CAMKMT: variants seen among roughly 807,000 people sequenced by gnomAD.
CAMKMT encodes the protein CaM KMT.
A neutral mutation model predicts 48.0 loss-of-function variants in CAMKMT; 53 were observed. The ratio of observed to expected loss-of-function variants is 1.10; its 90% CI spans 0.89 to 1.39. The LOEUF (loss-of-function observed/expected upper bound fraction) is 1.39, where lower values mean the gene tolerates loss of function less well. CAMKMT is among the 40% of genes most tolerant of loss of function. CAMKMT has a pLI of 0.00. For synonymous variants in CAMKMT, 165 were observed against 152.3 expected (o/e 1.08, Z -0.61); for missense variants, 428 against 402.7 (o/e 1.06, Z -0.54).
chr2:44,530,809 A>G (rs762244499), intron 3 of CAMKMT, among the ~76,000 whole-genome samples: 29 of 152,028 alleles, frequency 1.9e-4, no homozygotes, highest in Admixed American at 1.2e-3. Flanking sequence ...ATATTGTGAA[A>G]TTTTAATTTT....
chr2:44,435,067 A>G (rs907905841), intron 3 of CAMKMT, among the ~76,000 whole-genome samples: 1 of 152,206 alleles, frequency 6.6e-6, no homozygotes, highest in Admixed American at 6.5e-5. Context: ...ATGAATTTAC[A>G]TACGTAAATA....
At chr2:44,554,962 C>T (rs1667929438) in intron 3 of CAMKMT, among the ~76,000 whole-genome samples, 1 of 152,034 alleles carries the variant, frequency 6.6e-6, no homozygotes, top group South Asian at 2.1e-4. Flanking sequence ...TAGGAATTAA[C>T]CAGATGAAGG....
chr2:44,386,918 C>T (rs960289430), intron 2 of CAMKMT, among the ~76,000 whole-genome samples: 1 of 152,004 alleles, frequency 6.6e-6, no homozygotes, highest in Non-Finnish European at 1.5e-5. Context: ...TGTATTTAGG[C>T]TCGTTTTATG....
chr2:44,625,231 A>C (rs1203049475), intron 3 of CAMKMT, among the ~76,000 whole-genome samples: 3 of 152,130 alleles, frequency 2.0e-5, no homozygotes, highest in African/African-American at 4.8e-5. Flanking sequence ...TTCAATTTGC[A>C]TTCCCCTAAT....
intron 3 of CAMKMT, among the ~76,000 whole-genome samples, chr2:44,482,736 T>C (rs1669034064): frequency 6.6e-6 from 1 of 152,060 alleles, no homozygotes; most frequent in African/African-American, 2.4e-5. Flanking sequence ...GTAGAATCCA[T>C]GTTGGATATT....
At chr2:44,703,556 G>A (rs1259531067) in intron 3 of CAMKMT, among the ~76,000 whole-genome samples, 1 of 152,108 alleles carries the variant, frequency 6.6e-6, no homozygotes, top group Non-Finnish European at 1.5e-5. Context: ...GAGGCAGGCA[G>A]ATCACGAGGT....
intron 7 of CAMKMT, among the ~76,000 whole-genome samples, chr2:44,726,132 G>C (rs1328336183): frequency 1.3e-5 from 2 of 152,096 alleles, no homozygotes; most frequent in African/African-American, 4.8e-5. Flanking sequence ...TGTTTTCTTT[G>C]GGGTATATAC....
intron 3 of CAMKMT, among the ~76,000 whole-genome samples, chr2:44,588,172 G>A (rs1285538166): frequency 4.0e-5 from 5 of 125,070 alleles, no homozygotes; most frequent in South Asian, 5.7e-4. Flanking sequence ...CGGCCGCCCC[G>A]TCTGAGAAGT....
chr2:44,731,161 C>T (rs1311514377), intron 7 of CAMKMT, among the ~76,000 whole-genome samples: 5 of 152,078 alleles, frequency 3.3e-5, no homozygotes, highest in African/African-American at 9.7e-5. Context: ...GCCAACATGG[C>T]GAAACCCCGT....
intron 3 of CAMKMT, among the ~76,000 whole-genome samples, chr2:44,421,072 A>C (rs1404377214): frequency 6.6e-6 from 1 of 152,092 alleles, no homozygotes; most frequent in East Asian, 1.9e-4. Context: ...ATATTTATTG[A>C]GAAGTGATTT....
At chr2:44,431,200 A>G (rs1247945367) in intron 3 of CAMKMT, among the ~76,000 whole-genome samples, 1 of 152,218 alleles carries the variant, frequency 6.6e-6, no homozygotes, top group East Asian at 1.9e-4. Flanking sequence ...TATTATAAAT[A>G]ACATTTTTTG....
intron 9 of CAMKMT, among the ~76,000 whole-genome samples, chr2:44,755,064 T>C (rs530241278): frequency 6.6e-6 from 1 of 152,214 alleles, no homozygotes; most frequent in Non-Finnish European, 1.5e-5. Context: ...ACCTTTCTTT[T>C]ATATCTTTTT....
At chr2:44,633,975 A>T (rs1051931444) in intron 3 of CAMKMT, among the ~76,000 whole-genome samples, 4 of 151,950 alleles carry the variant, frequency 2.6e-5, no homozygotes, top group African/African-American at 9.7e-5. Flanking sequence ...GTCTAGTGTG[A>T]CCTTTACTTT....
chr2:44,417,198 C>T (rs1420650166), intron 3 of CAMKMT, among the ~76,000 whole-genome samples: 1 of 151,952 alleles, frequency 6.6e-6, no homozygotes, highest in Non-Finnish European at 1.5e-5. Flanking sequence ...TCAAGACCAG[C>T]CTGACCAACA....
chr2:44,697,915 G>A (rs1223338075), intron 3 of CAMKMT, among the ~76,000 whole-genome samples: 1 of 152,150 alleles, frequency 6.6e-6, no homozygotes, highest in Non-Finnish European at 1.5e-5. Flanking sequence ...TAAAAGAGTT[G>A]AAAGTAATAG....
chr2:44,438,682 T>TCAAAAAC (rs1381013234), intron 3 of CAMKMT, among the ~76,000 whole-genome samples: 3 of 152,082 alleles, frequency 2.0e-5, no homozygotes, highest in South Asian at 4.1e-4. Flanking sequence ...ACTACTCAGG[T>TCAAAAAC]GTGTGTTTTT....
At chr2:44,446,703 C>T (rs1667020808) in intron 3 of CAMKMT, among the ~76,000 whole-genome samples, 4 of 152,208 alleles carry the variant, frequency 2.6e-5, no homozygotes, top group Admixed American at 2.6e-4. Context: ...AGGCCTCCAT[C>T]TCAGTCTTCC....
chr2:44,670,722 G>T (rs1404474919), intron 3 of CAMKMT, among the ~76,000 whole-genome samples: 1 of 152,132 alleles, frequency 6.6e-6, no homozygotes, highest in Non-Finnish European at 1.5e-5. Context: ...CCCACCTCCA[G>T]AGTTTCTGAT....
intron 6 of CAMKMT, among the ~76,000 whole-genome samples, chr2:44,709,926 C>T (rs1199193248): frequency 6.6e-6 from 1 of 152,020 alleles, no homozygotes; most frequent in Non-Finnish European, 1.5e-5. Flanking sequence ...CAAATGAATA[C>T]ATCAGTGAAA....
Sources: gnomAD v4.1 joint callset for allele counts (sites outside exome capture counted in the v4.1 genomes callset) on GRCh38, gnomAD v4.1.1 for gene constraint, MANE v1.5 for transcripts, NCBI Gene and HGNC (gene_info 2026-07-23, HGNC 2026-07-21) for gene names.